Variants in SDK2 observed in about 807,000 individuals in gnomAD.
SDK2 encodes the protein protein sidekick-2.
A neutral mutation model predicts 253.9 loss-of-function variants in SDK2; 105 were observed. That is an observed-to-expected ratio of 0.41 (90% CI 0.35 to 0.49). SDK2 has a LOEUF of 0.49. SDK2 is among the 20% of genes least tolerant of loss of function. The pLI is 0.06. For missense variants in SDK2, 2,608 were observed against 3,003.0 expected (o/e 0.87, Z 3.07); for synonymous variants, 1,249 against 1,234.9 (o/e 1.01, Z -0.24).
At chr17:73,498,647 G>A (rs1369894561) in intron 2 of SDK2, among the ~76,000 whole-genome samples, 1 of 152,172 alleles carries the variant, frequency 6.6e-6, no homozygotes, top group Non-Finnish European at 1.5e-5. Context: ...CTGAGCCTTT[G>A]TGTTCCTCAT....
Position 73,437,987 on chromosome 17 carries a change from C to A in SDK2, c.893G>T (p.Arg298Leu), listed in dbSNP as rs546431565. The change falls in exon 7 of 45, where the codon CGG becomes CTG. Residue 298 changes from arginine (R) to leucine (L), a missense_variant. Arg to Leu is a moderately radical substitution (Grantham distance 102, BLOSUM62 -2). This residue lies in a region of SDK2 where 1,505 missense variants were observed against 1,859.1 expected (regional missense o/e 0.81). Transcript: ENST00000392650. ...LRSSSVPSVV[R>L]GAYLSVLEPP... is the part of the protein sequence containing the mutation. ...ACCCAGCACTGAGAGGTAGGCGCCCCGGACAACAGAGGGGACGCTGCTGCT... is the reference window on the plus strand; with the variant it reads ...ACCCAGCACTGAGAGGTAGGCGCCCAGGACAACAGAGGGGACGCTGCTGCT... 1 of 1,550,802 alleles carries A rather than the reference C, an allele frequency of 6.4e-7. No homozygotes were observed. The highest frequency in any genetic ancestry group is 2.0e-5 in the Admixed American group (1 of 50,990).
At position 73,629,960 on chromosome 17, in the gene SDK2, G is replaced by A. The variant is rs972226659; in HGVS notation, c.64+14065C>T. ...CAGGAGGGGCAAGAGCCTCCTGAAG[G>A]AAGAAGTGAAGAATGAGTGCTGGTC... On this transcript the variant is annotated intron_variant, in intron 1 of 44. Coordinates refer to ENST00000392650, the MANE Select transcript of SDK2 (RefSeq NM_001144952.2). This position sits in a 1 kb window ranked among gnomAD's most constrained non-coding sequence, Gnocchi z 5.0. Among the ~76,000 whole-genome samples the A allele has an allele frequency of 2.0e-5, 3 of 152,082 alleles. No homozygotes were observed. Among genetic ancestry groups the A allele is most frequent in the African/African-American group, 7.2e-5 (3 of 41,396 alleles).
rs1307672708 is a variant in SDK2, at chr17:73,496,363, G to C, written c.224+11075C>G. 6.6e-6 allele frequency among the ~76,000 whole-genome samples: 1 copy of C among 152,228 alleles called. No homozygotes were observed. Among genetic ancestry groups the C allele is most frequent in the Non-Finnish European group, 1.5e-5 (1 of 68,044 alleles). ...TCAGGGGCAGGACTGGACATCACAA[G>C]GTGGGATGCTGGGGCTGGATCTGGG... On this transcript the variant is annotated intron_variant, in intron 2 of 44. Coordinates refer to ENST00000392650, the MANE Select transcript of SDK2 (RefSeq NM_001144952.2). The surrounding 1 kb of genome is among the most constrained non-coding windows in gnomAD (Gnocchi z 4.7).
At chr17:73,521,601 C>T (rs544340712) in intron 1 of SDK2, among the ~76,000 whole-genome samples, 31 of 152,248 alleles carry the variant, frequency 2.0e-4, no homozygotes, top group East Asian at 5.8e-4. Context: ...TGGGCTCAGG[C>T]GCTGGGTCTC....
At position 73,511,430 on chromosome 17, in the gene SDK2, C is replaced by T. The variant is rs554968470; in HGVS notation, c.65-3833G>A. Among the ~76,000 whole-genome samples, 5 of 152,296 alleles carry T rather than the reference C, an allele frequency of 3.3e-5. No homozygotes were observed. Among genetic ancestry groups the T allele is most frequent in the African/African-American group, 1.2e-4 (5 of 41,578 alleles). ...TCACTGGGCAATTTCCTCCCAGGTC[C>T]GCGTTTGCCAGTTCATTCTTCAAGC... is the stretch of plus-strand genomic sequence containing the variant. On this transcript the variant is annotated intron_variant, in intron 1 of 44. Transcript: ENST00000392650. This position sits in a 1 kb window ranked among gnomAD's most constrained non-coding sequence, Gnocchi z 4.9.
rs201886541 is a variant in SDK2 at position 73,368,572 on chromosome 17, G to A, written c.5002C>T (p.Arg1668Trp). The A allele has an allele frequency of 2.7e-4, 425 of 1,591,626 alleles. No homozygotes were observed. Among genetic ancestry groups the A allele is most frequent in the East Asian group, 4.5e-5 (2 of 44,222 alleles). Residue 1668 changes from arginine (R) to tryptophan (W), a missense_variant, in exon 37 of 45, where the codon CGG becomes TGG. By Grantham distance (101) the Arg-to-Trp change is moderately radical. Around this residue, in one of 2 missense-constraint regions of SDK2, gnomAD observed 1,103 missense variants for 1,143.9 expected, o/e 0.96. Transcript: ENST00000392650. Reference sequence around the variant, plus strand: ...TTCACTCGCTCTGTGAGGTTCCCCCGCTGGGCTTCCCAGAAATAAATCTGT... The same window carrying A: ...TTCACTCGCTCTGTGAGGTTCCCCCACTGGGCTTCCCAGAAATAAATCTGT... ...GYKIYFWEAQ[R>W]GNLTERVKTL...
At chr17:73,359,316 T>C (rs1178845273) in intron 39 of SDK2, among the ~76,000 whole-genome samples, 3 of 150,938 alleles carry the variant, frequency 2.0e-5, no homozygotes, top group African/African-American at 7.3e-5. Context: ...ACCCCATCGC[T>C]CACACAGCCT....
At position 73,390,381 on chromosome 17, in the gene SDK2, C is replaced by T. The variant is rs939718765; in HGVS notation, c.4098G>A (p.Lys1366=). 1 of 1,612,812 alleles carries T rather than the reference C, an allele frequency of 6.2e-7. No individual in the cohort carries two copies. Among genetic ancestry groups the T allele is most frequent in the Admixed American group, 1.7e-5 (1 of 59,952 alleles). The change falls in exon 29 of 45, where the codon AAG becomes AAA. Residue 1366 remains lysine, a synonymous_variant. Transcript: ENST00000392650. The part of the protein sequence containing the change: ...SARQYTATGL[K]PESVYLFRIT... ...TGCGGAACAGGTAGACAGACTCTGG[C>T]TTGAGGCCCGTGGCTGTGTACTGCC... is the stretch of plus-strand genomic sequence containing the variant.
intron 29 of SDK2, among the ~76,000 whole-genome samples, 164 bp from the exon 30 acceptor site, chr17:73,388,201 G>A (rs1324237999): frequency 6.6e-6 from 1 of 152,128 alleles, no homozygotes; most frequent in African/African-American, 2.4e-5. Flanking sequence ...TCACACCTGG[G>A]TACAGCCAGC....
In SDK2 at chr17:73,568,664, G is replaced by C. The variant is rs552037821; in HGVS notation, c.65-61067C>G. On this transcript the variant is annotated intron_variant, in intron 1 of 44. Transcript: ENST00000392650. ...ATATTATACATGAAGTCTAGGAAGA[G>C]TCAGGAGTGAATGAATGCATAAAAA... Among the ~76,000 whole-genome samples, 10 of 152,314 alleles carry C rather than the reference G, an allele frequency of 6.6e-5. No homozygotes were observed. In the South Asian group the frequency reaches 1.2e-3, roughly 19 times the overall value.
intron 39 of SDK2, 88 bp from the exon 40 acceptor site, chr17:73,358,292 T>C: frequency 5.3e-6 from 8 of 1,500,978 alleles, no homozygotes; most frequent in Non-Finnish European, 7.1e-6. Context: ...GAACACTGGG[T>C]GACAAAACCA....
chr17:73,509,902 CAAAAA>C (rs71157018), intron 1 of SDK2, among the ~76,000 whole-genome samples: 4 of 25,394 alleles, frequency 1.6e-4, no homozygotes, highest in Admixed American at 4.4e-4. Flanking sequence ...TCCATCTCTA[CAAAAA>C]AAAAAAAAAA....
chr17:73,571,902 C>T (rs1156419713), intron 1 of SDK2, among the ~76,000 whole-genome samples: 3 of 152,190 alleles, frequency 2.0e-5, no homozygotes, highest in East Asian at 3.9e-4. Flanking sequence ...CAACACATGC[C>T]GGGCTTTCCA....
In SDK2 at chr17:73,639,569, T is replaced by G. The variant is rs1435419074; in HGVS notation, c.64+4456A>C. On this transcript the variant is annotated intron_variant, in intron 1 of 44. Coordinates refer to ENST00000392650, the MANE Select transcript of SDK2 (RefSeq NM_001144952.2). The surrounding 1 kb of genome is among the most constrained non-coding windows in gnomAD (Gnocchi z 4.3). Reference sequence around the variant, plus strand: ...TCCCAAGGCCCCAAATTATGATGACTAATTCCCACCGCTTTAGGCAGCTCC... The same window carrying G: ...TCCCAAGGCCCCAAATTATGATGACGAATTCCCACCGCTTTAGGCAGCTCC... 2.0e-5 allele frequency among the ~76,000 whole-genome samples: 3 copies of G among 152,136 alleles called. No homozygotes were observed. The highest frequency in any genetic ancestry group is 4.4e-5 in the Non-Finnish European group (3 of 68,038).
intron 1 of SDK2, among the ~76,000 whole-genome samples, chr17:73,607,238 C>A (rs1418846742): frequency 2.0e-5 from 3 of 152,242 alleles, no homozygotes; most frequent in African/African-American, 7.2e-5. Context: ...CTCACCACCA[C>A]AGCCTTGCTG....
chr17:73,373,759 C>T (rs962400489), intron 36 of SDK2, among the ~76,000 whole-genome samples: 9 of 152,062 alleles, frequency 5.9e-5, no homozygotes, highest in Non-Finnish European at 1.0e-4. Flanking sequence ...TGGGTTCAAG[C>T]GATTCTCCTG....
chr17:73,436,576 C>CAAA (rs56089526), intron 8 of SDK2, among the ~76,000 whole-genome samples: 921 of 38,784 alleles, frequency 0.024, 30 homozygotes, highest in South Asian at 0.048. Flanking sequence ...GACTCAGTCT[C>CAAA]AAAAAAAAAA....
chr17:73,364,869 C>T (rs1051518184), intron 38 of SDK2, among the ~76,000 whole-genome samples: 2 of 152,134 alleles, frequency 1.3e-5, no homozygotes, highest in East Asian at 1.9e-4. Flanking sequence ...GTGATCCACC[C>T]GCCTCAGCCT....
intron 1 of SDK2, among the ~76,000 whole-genome samples, chr17:73,605,991 G>GAA (rs56397388): frequency 4.6e-4 from 68 of 148,796 alleles, no homozygotes; most frequent in African/African-American, 1.2e-3. Flanking sequence ...AGGAAAATAA[G>GAA]AAAAAAAAAA....
Sources: allele counts gnomAD v4.1 joint callset (sites outside exome capture counted in the v4.1 genomes callset), GRCh38; gene constraint gnomAD v4.1.1; regional missense constraint gnomAD v4.1.1; non-coding constraint Gnocchi (gnomAD v3.1); transcripts MANE v1.5; gene names NCBI Gene and HGNC (gene_info 2026-07-23, HGNC 2026-07-21).